PLCG2: variants seen among roughly 807,000 people sequenced by gnomAD.
PLCG2 encodes phospholipase C gamma 2.
A neutral mutation model predicts 175.6 loss-of-function variants in PLCG2; 69 were observed. The ratio of observed to expected loss-of-function variants is 0.39; its 90% CI spans 0.32 to 0.48. PLCG2 has a LOEUF of 0.48. PLCG2 is among the 20% of genes least tolerant of loss of function. The pLI is 0.91. For synonymous variants in PLCG2, 827 were observed against 624.0 expected (o/e 1.33, Z -4.85); for missense variants, 1,798 against 1,650.9 (o/e 1.09, Z -1.54).
At chr16:81,885,096 G>C (rs547577050) in intron 9 of PLCG2, among the ~76,000 whole-genome samples, 58 of 151,270 alleles carry the variant, frequency 3.8e-4, no homozygotes, top group African/African-American at 1.4e-3. Context: ...CTGTCACCAG[G>C]CTGGAGTACA....
chr16:81,780,824 C>G (rs1187632140), intron 1 of PLCG2, among the ~76,000 whole-genome samples: 2 of 152,160 alleles, frequency 1.3e-5, no homozygotes, highest in Non-Finnish European at 2.9e-5. Context: ...GTCAAGCGTT[C>G]CAGACCAGCC....
chr16:81,922,011 T>C (rs906320527), intron 21 of PLCG2, among the ~76,000 whole-genome samples: 1 of 152,210 alleles, frequency 6.6e-6, no homozygotes, highest in African/African-American at 2.4e-5. Context: ...TAGTGAAGGA[T>C]GTTTTGGCGA....
At chr16:81,905,783 C>G (rs753094857) in intron 15 of PLCG2, among the ~76,000 whole-genome samples, 101 of 152,178 alleles carry the variant, frequency 6.6e-4, no homozygotes, top group Non-Finnish European at 1.2e-3. Context: ...CTCAACCTCC[C>G]TGAGTCTCTG....
chr16:81,872,707 G>T (rs969281121), intron 7 of PLCG2, among the ~76,000 whole-genome samples: 3 of 152,252 alleles, frequency 2.0e-5, no homozygotes, highest in Non-Finnish European at 4.4e-5. Context: ...AGGTGTGAGG[G>T]CTTGGGGAGT....
At chr16:81,884,990 C>T (rs181978879) in intron 9 of PLCG2, among the ~76,000 whole-genome samples, 3 of 151,842 alleles carry the variant, frequency 2.0e-5, no homozygotes, top group South Asian at 4.2e-4. Context: ...TGGGCTCAAC[C>T]GATCCTCCTG....
chr16:81,894,780 C>T (rs1263049888), intron 12 of PLCG2, among the ~76,000 whole-genome samples: 1 of 151,662 alleles, frequency 6.6e-6, no homozygotes, highest in African/African-American at 2.4e-5. Flanking sequence ...GGCCGAGGCA[C>T]AGGAATCACT....
chr16:81,910,332 C>G (rs921573535), intron 17 of PLCG2, among the ~76,000 whole-genome samples, 188 bp from the exon 18 acceptor site: 2 of 152,180 alleles, frequency 1.3e-5, no homozygotes, highest in Non-Finnish European at 2.9e-5. Context: ...CTCAGGTGAT[C>G]CACCCGTCTC....
At chr16:81,943,851 C>A (rs750903032) in intron 30 of PLCG2, among the ~76,000 whole-genome samples, 36 of 152,224 alleles carry the variant, frequency 2.4e-4, no homozygotes, top group Middle Eastern at 6.8e-3. Context: ...ATAAACCCTA[C>A]CAGGAAATGA....
At chr16:81,749,736 C>G (rs1040378263) in intron 1 of PLCG2, among the ~76,000 whole-genome samples, 6 of 152,176 alleles carry the variant, frequency 3.9e-5, no homozygotes, top group Non-Finnish European at 2.9e-5. Flanking sequence ...GTGTTTCTGT[C>G]AAAATTGTTT....
At chr16:81,891,368 G>C in intron 10 of PLCG2, 104 bp from the exon 11 acceptor site, 1 of 729,374 alleles carries the variant, frequency 1.4e-6, no homozygotes, top group Non-Finnish European at 2.5e-6. Flanking sequence ...TTGATTTCCC[G>C]CATCAGAGCT....
Position 81,858,394 on chromosome 16 carries a change from A to T in PLCG2, c.431+38A>T, listed in dbSNP as rs746049173. On this transcript the variant is annotated intron_variant, in intron 4 of 32. Coordinates refer to ENST00000564138, the MANE Select transcript of PLCG2 (RefSeq NM_002661.5). ...TGCCTGTTGATTTGCGTAGTTGCTGATTCCTTTATTCTGCTGCCTTTAGCC... is the reference window on the plus strand; with the variant it reads ...TGCCTGTTGATTTGCGTAGTTGCTGTTTCCTTTATTCTGCTGCCTTTAGCC... The T allele has an allele frequency of 1.6e-5, 22 of 1,345,284 alleles. No homozygotes were observed. In the African/African-American group the frequency reaches 2.9e-4, roughly 18 times the overall value. 83.3% of individuals were successfully genotyped at this position (1,345,284 alleles called of 1,614,324 possible).
At chr16:81,819,201 G>A (rs919015540) in intron 2 of PLCG2, among the ~76,000 whole-genome samples, 2 of 152,138 alleles carry the variant, frequency 1.3e-5, no homozygotes, top group African/African-American at 2.4e-5. Flanking sequence ...GTGCCGGGCT[G>A]CTTCTAGAGA....
intron 7 of PLCG2, among the ~76,000 whole-genome samples, chr16:81,875,463 C>T (rs9940420): frequency 0.28 from 42,042 of 152,018 alleles, 5,826 homozygotes; most frequent in Middle Eastern, 0.35. Flanking sequence ...TGGAATACTT[C>T]TTAATTTTTG....
rs144808197 is a variant in PLCG2 at position 81,899,903 on chromosome 16, C to T, written c.1194-709C>T. 1.2e-4 allele frequency among the ~76,000 whole-genome samples: 18 copies of T among 152,296 alleles called. No homozygotes were observed. The East Asian group carries it at 3.5e-3, about 29-fold the overall frequency. ...TTCATTGAGGAAAATGTTGTGACCA[C>T]ACGCTCAAAAGGCCCTGATCCTGTA... On this transcript the variant is annotated intron_variant, in intron 13 of 32. Transcript: ENST00000564138.
intron 2 of PLCG2, among the ~76,000 whole-genome samples, chr16:81,773,251 C>T (rs1425099415): frequency 2.0e-5 from 3 of 152,154 alleles, no homozygotes; most frequent in African/African-American, 2.4e-5. Context: ...TGGAAATAAT[C>T]GGTGTCCCTG....
At position 81,962,049 on chromosome 16, in the gene PLCG2, G is replaced by A. The variant is rs1047894868; in HGVS notation, c.*4051G>A. ...TCACCGCTCCATGTGCGTCCCTCCC[G>A]AAGCTGCGCGCTCCGTCGAAGAGGA... On this transcript the variant is annotated 3_prime_UTR_variant, in exon 33 of 33. Transcript: ENST00000564138. 1.1e-5 allele frequency: 2 copies of A among 189,530 alleles called. No homozygotes were observed. The highest frequency in any genetic ancestry group is 2.2e-5 in the Non-Finnish European group (2 of 88,918). 11.7% of individuals were successfully genotyped at this position (189,530 alleles called of 1,614,324 possible). A position where few individuals can be genotyped will look rare whatever the true frequency, so the allele number is the denominator to read the frequency against.
At chr16:81,881,122 T>C (rs1337830063) in intron 8 of PLCG2, among the ~76,000 whole-genome samples, 169 bp downstream of exon 8, 1 of 152,194 alleles carries the variant, frequency 6.6e-6, no homozygotes, top group African/African-American at 2.4e-5. Flanking sequence ...TGGATAGAGA[T>C]GAGCAGTAGC....
chr16:81,804,024 A>G (rs929918773), intron 2 of PLCG2, among the ~76,000 whole-genome samples: 5 of 152,218 alleles, frequency 3.3e-5, no homozygotes, highest in Non-Finnish European at 5.9e-5. Context: ...ACATTCATGT[A>G]CAAGTTTTTG....
At chr16:81,882,791 C>T (rs1908152850) in intron 8 of PLCG2, among the ~76,000 whole-genome samples, 2 of 152,098 alleles carry the variant, frequency 1.3e-5, no homozygotes, top group East Asian at 1.9e-4. Context: ...CTCGTTCTGG[C>T]TCATCCCACC....
Sources: allele counts gnomAD v4.1 joint callset (sites outside exome capture counted in the v4.1 genomes callset), GRCh38; gene constraint gnomAD v4.1.1; transcripts MANE v1.5; gene names NCBI Gene and HGNC (gene_info 2026-07-23, HGNC 2026-07-21).